Variants in WDR7 observed in about 807,000 individuals in gnomAD.
The protein encoded by WDR7 is WD repeat-containing protein 7.
WDR7 carries 46 observed loss-of-function variants against 169.4 expected under a neutral mutation model. That is an observed-to-expected ratio of 0.27 (90% CI 0.21 to 0.35). The LOEUF is 0.35. Among genes scored for constraint, WDR7 ranks in the 10% least tolerant of loss-of-function variants. The pLI, the probability that WDR7 is intolerant of heterozygous loss-of-function variation, is 1.00. For synonymous variants in WDR7, 612 were observed against 666.8 expected, an observed-to-expected ratio of 0.92 and a Z score of 1.27; for missense variants, 1,534 against 1,859.3, an observed-to-expected ratio of 0.83 and a Z score of 3.22.
At chr18:56,729,964 T>C (rs2026546235) in intron 13 of WDR7, among the ~76,000 whole-genome samples, 2 of 152,274 alleles carry the variant, frequency 1.3e-5, no homozygotes, top group South Asian at 4.1e-4. Context: ...TCTTTTTGTA[T>C]GATTACTACC....
At chr18:56,768,018 A>C (rs1378117567) in intron 16 of WDR7, among the ~76,000 whole-genome samples, 1 of 152,202 alleles carries the variant, frequency 6.6e-6, no homozygotes, top group East Asian at 1.9e-4. Context: ...GATTCTTAAC[A>C]GTTGGTGATT....
At chr18:56,826,303 C>G (rs1301154383) in intron 20 of WDR7, among the ~76,000 whole-genome samples, 1 of 102,350 alleles carries the variant, frequency 9.8e-6, no homozygotes, top group Non-Finnish European at 2.6e-5. Flanking sequence ...TCATAATTCA[C>G]AGACTCTATG....
At chr18:56,763,650 C>T (rs1223502590) in intron 16 of WDR7, among the ~76,000 whole-genome samples, 2 of 152,104 alleles carry the variant, frequency 1.3e-5, no homozygotes, top group Non-Finnish European at 2.9e-5. Flanking sequence ...ATTTTCTGGA[C>T]GGGTGAGTGT....
At chr18:56,757,691 G>C (rs2043916546) in intron 15 of WDR7, among the ~76,000 whole-genome samples, 2 of 152,058 alleles carry the variant, frequency 1.3e-5, no homozygotes, top group African/African-American at 4.8e-5. Flanking sequence ...TATATTTGAG[G>C]CTGGGCATGG....
chr18:56,828,617 C>T (rs1294920170), intron 20 of WDR7, among the ~76,000 whole-genome samples: 1 of 152,098 alleles, frequency 6.6e-6, no homozygotes, highest in Non-Finnish European at 1.5e-5. Flanking sequence ...AGAGGATCTT[C>T]ACCATACTAT....
At chr18:56,901,013 G>T (rs1419728219) in intron 21 of WDR7, among the ~76,000 whole-genome samples, 4 of 152,196 alleles carry the variant, frequency 2.6e-5, no homozygotes, top group Non-Finnish European at 4.4e-5. Context: ...AACTGTTCTA[G>T]AAGGAATAAT....
intron 12 of WDR7, among the ~76,000 whole-genome samples, chr18:56,702,899 A>G (rs1336876297): frequency 6.6e-6 from 1 of 152,188 alleles, no homozygotes; most frequent in Admixed American, 6.5e-5. Flanking sequence ...TTAAATTCTC[A>G]GAGCTGTCTT....
At chr18:56,891,467 C>G (rs1261733188) in intron 21 of WDR7, among the ~76,000 whole-genome samples, 5 of 151,918 alleles carry the variant, frequency 3.3e-5, no homozygotes, top group Admixed American at 6.6e-5. Context: ...CATATAAGTA[C>G]TTATAAATGT....
intron 1 of WDR7, among the ~76,000 whole-genome samples, chr18:56,652,321 G>GC (rs1225839647): frequency 1.3e-5 from 2 of 152,204 alleles, no homozygotes; most frequent in Admixed American, 6.5e-5. Flanking sequence ...GTCAGTGGCA[G>GC]CTATAGCTTC....
intron 16 of WDR7, among the ~76,000 whole-genome samples, chr18:56,760,089 G>A (rs2043958850): frequency 1.3e-5 from 2 of 152,098 alleles, no homozygotes; most frequent in Non-Finnish European, 1.5e-5. Flanking sequence ...TGTATATTAA[G>A]CTATATAAAA....
chr18:56,706,695 A>AT lies in WDR7; in HGVS notation c.1578+10243dup, dbSNP rs1315543774. On this transcript the variant is annotated intron_variant, in intron 12 of 27. Transcript: ENST00000254442. ...TTAGAAAAATTTTATTTTTATTTTT[A>AT]TTTTTTTTTTGAGATGGAGTCTCGC... 3.9e-4 allele frequency among the ~76,000 whole-genome samples: 59 copies of AT among 149,464 alleles called. No individual in the cohort carries two copies. The East Asian group carries it at 4.1e-3, about 10-fold the overall frequency.
intron 13 of WDR7, among the ~76,000 whole-genome samples, chr18:56,729,031 G>A (rs2026524435): frequency 6.6e-6 from 1 of 152,142 alleles, no homozygotes. Flanking sequence ...ATAAACTTTA[G>A]ACACCAGAGA....
chr18:56,765,547 T>G (rs1373183946), intron 16 of WDR7, among the ~76,000 whole-genome samples: 1 of 152,114 alleles, frequency 6.6e-6, no homozygotes, highest in Non-Finnish European at 1.5e-5. Flanking sequence ...TCCTGGTCTT[T>G]ATGCTACTGT....
chr18:56,651,375 TGGC>T lies in WDR7; in HGVS notation c.-208_-206del, dbSNP rs150700087. On this transcript the variant is annotated 5_prime_UTR_variant, in exon 1 of 28. Coordinates refer to ENST00000254442, the MANE Select transcript of WDR7 (RefSeq NM_015285.3). ...GCTGGTGTCAGCTGATTTACTGCAG[TGGC>T]GGCGGCGGCGGCACCGGCACCTTGC... The T allele has an allele frequency of 2.0e-5, 3 of 153,056 alleles. No homozygotes were observed. The highest frequency in any genetic ancestry group is 4.9e-5 in the African/African-American group (2 of 41,102). The allele number at this position is 153,056 out of a possible 1,614,324, so 9.5% of individuals were successfully genotyped here. A position where few individuals can be genotyped will look rare whatever the true frequency, so the allele number is the denominator to read the frequency against.
intron 26 of WDR7, among the ~76,000 whole-genome samples, chr18:57,011,967 C>G (rs2048143050): frequency 1.3e-5 from 2 of 152,216 alleles, no homozygotes; most frequent in South Asian, 4.2e-4. Context: ...GAAGATATTG[C>G]CTCTTTGGGG....
chr18:57,012,967 A>T (rs1042893973), intron 26 of WDR7, among the ~76,000 whole-genome samples: 1 of 152,228 alleles, frequency 6.6e-6, no homozygotes, highest in African/African-American at 2.4e-5. Context: ...AGCACCTGGC[A>T]TATCATACAT....
chr18:56,826,035 A>C (rs977654434), intron 20 of WDR7, among the ~76,000 whole-genome samples: 1 of 93,556 alleles, frequency 1.1e-5, no homozygotes, highest in Non-Finnish European at 2.9e-5. Flanking sequence ...TTGGATAATA[A>C]TGTAGATGCT....
chr18:56,806,601 C>T (rs758363345), intron 19 of WDR7, among the ~76,000 whole-genome samples: 6 of 152,204 alleles, frequency 3.9e-5, no homozygotes, highest in South Asian at 2.1e-4. Context: ...CTTCATTCAC[C>T]GAGTCCCTCC....
At chr18:56,663,132 A>G (rs1256528380) in intron 1 of WDR7, among the ~76,000 whole-genome samples, 1 of 152,196 alleles carries the variant, frequency 6.6e-6, no homozygotes, top group African/African-American at 2.4e-5. Flanking sequence ...TTACAAGGAC[A>G]CCAGCCCTAT....
Sources: allele counts gnomAD v4.1 joint callset (sites outside exome capture counted in the v4.1 genomes callset), GRCh38; gene constraint gnomAD v4.1.1; transcripts MANE v1.5; gene names NCBI Gene and HGNC (gene_info 2026-07-23, HGNC 2026-07-21).